PCDHA10: variants seen among roughly 807,000 people sequenced by gnomAD.
The protein encoded by PCDHA10 is protocadherin alpha-10.
PCDHA10 carries 45 observed loss-of-function variants against 61.2 expected under a neutral mutation model. That is an observed-to-expected ratio of 0.74 (90% CI 0.58 to 0.94). The LOEUF (loss-of-function observed/expected upper bound fraction) is 0.94, where lower values mean the gene tolerates loss of function less well. PCDHA10 is among the 40% of genes least tolerant of loss of function. The probability of loss-of-function intolerance (pLI) is 0.00; values close to 1 mark genes in which losing one functional copy is unlikely to be tolerated. For synonymous variants in PCDHA10, 602 were observed against 548.8 expected, an observed-to-expected ratio of 1.10 and a Z score of -1.35; for missense variants, 1,278 against 1,236.2, an observed-to-expected ratio of 1.03 and a Z score of -0.51.
At chr5:140,882,543 G>T (rs1357197569) in intron 1 of PCDHA10, 4 of 1,614,236 alleles carry the variant, frequency 2.5e-6, no homozygotes, top group Non-Finnish European at 3.4e-6. Context: ...CGGATCGACC[G>T]CGAGGAGCTG....
intron 1 of PCDHA10, among the ~76,000 whole-genome samples, chr5:140,933,534 ATAATGT>A (rs1401849089): frequency 6.6e-6 from 1 of 152,102 alleles, no homozygotes; most frequent in Non-Finnish European, 1.5e-5. Context: ...TAAACTCAAA[ATAATGT>A]TAATATAAAA....
intron 3 of PCDHA10, among the ~76,000 whole-genome samples, chr5:140,997,593 G>T (rs2097775607): frequency 6.6e-6 from 1 of 152,072 alleles, no homozygotes. Context: ...ACTGAAACAT[G>T]ATTATGGGGC....
chr5:140,916,188 G>A (rs1288181230), intron 1 of PCDHA10, among the ~76,000 whole-genome samples: 2 of 152,208 alleles, frequency 1.3e-5, no homozygotes, highest in East Asian at 3.9e-4. Context: ...TCAAGGAAGT[G>A]GGCACCCCTC....
chr5:141,004,403 C>T (rs1424370254), intron 3 of PCDHA10, among the ~76,000 whole-genome samples: 1 of 152,166 alleles, frequency 6.6e-6, no homozygotes, highest in Non-Finnish European at 1.5e-5. Flanking sequence ...GGAGGAGGCA[C>T]CTGACTAGAT....
chr5:140,887,349 G>A (rs1311370450), intron 1 of PCDHA10, among the ~76,000 whole-genome samples: 2 of 152,084 alleles, frequency 1.3e-5, no homozygotes, highest in Non-Finnish European at 2.9e-5. Flanking sequence ...ACCTGGCTCG[G>A]CCTCCCAAAG....
At chr5:140,883,940 G>A in intron 1 of PCDHA10, 1 of 1,613,412 alleles carries the variant, frequency 6.2e-7, no homozygotes, top group Non-Finnish European at 8.5e-7. Flanking sequence ...CGTGCTGGAC[G>A]AGAACGACAA....
In PCDHA10 at chr5:141,010,844, A is replaced by T. The variant is rs1286149629; in HGVS notation, c.*907A>T. ...TGTTTGTTGTTTCATAGATTTATTT[A>T]AAAAAAGAGAAAGTCTATAGCTATA... On this transcript the variant is annotated 3_prime_UTR_variant, in exon 4 of 4. Coordinates refer to ENST00000307360, the MANE Select transcript of PCDHA10 (RefSeq NM_018901.4). The T allele has an allele frequency of 1.3e-5, 2 of 153,756 alleles. No homozygotes were observed. The highest frequency in any genetic ancestry group is 2.9e-5 in the Non-Finnish European group (2 of 68,056). 9.5% of individuals were successfully genotyped at this position (153,756 alleles called of 1,614,324 possible).
intron 3 of PCDHA10, among the ~76,000 whole-genome samples, chr5:140,984,430 A>T (rs1236503699): frequency 6.6e-6 from 1 of 152,080 alleles, no homozygotes; most frequent in East Asian, 1.9e-4. Flanking sequence ...AGAGAAGGGG[A>T]TCTCCCTTGT....
chr5:140,877,023 G>A (rs1554169254), intron 1 of PCDHA10: 2 of 1,612,456 alleles, frequency 1.2e-6, no homozygotes, highest in Non-Finnish European at 1.7e-6. Flanking sequence ...GCGGCAAGGT[G>A]TACGCGCTGC....
chr5:140,996,976 G>T (rs573896136), intron 3 of PCDHA10, among the ~76,000 whole-genome samples: 1 of 151,960 alleles, frequency 6.6e-6, no homozygotes, highest in Non-Finnish European at 1.5e-5. Context: ...CTCCCCTTTG[G>T]TGAAGCAACC....
chr5:140,901,588 T>A (rs1245761513), intron 1 of PCDHA10, among the ~76,000 whole-genome samples: 1 of 152,176 alleles, frequency 6.6e-6, no homozygotes, highest in Non-Finnish European at 1.5e-5. Flanking sequence ...TGCCATGATG[T>A]TTTGGTTACT....
chr5:140,966,546 C>T, intron 1 of PCDHA10: 1 of 466,228 alleles, frequency 2.1e-6, no homozygotes, highest in Non-Finnish European at 3.7e-6. Context: ...GACTCGGAGG[C>T]GAGCGGAGGA....
chr5:140,886,841 A>AG (rs1432829346), intron 1 of PCDHA10, among the ~76,000 whole-genome samples: 1 of 151,546 alleles, frequency 6.6e-6, no homozygotes, highest in Non-Finnish European at 1.5e-5. Flanking sequence ...AAAAAAAAAA[A>AG]AAAAAAGAAA....
chr5:140,996,453 C>A (rs1289648745), intron 3 of PCDHA10, among the ~76,000 whole-genome samples: 2 of 152,160 alleles, frequency 1.3e-5, no homozygotes, highest in African/African-American at 4.8e-5. Flanking sequence ...AGTTGTGGTG[C>A]TAAGGGAGGA....
At chr5:140,926,693 C>T (rs576013331) in intron 1 of PCDHA10, 12 of 742,944 alleles carry the variant, frequency 1.6e-5, no homozygotes, top group African/African-American at 9.2e-5. Context: ...CTAGCAAGCC[C>T]GGCTCCCAGC....
chr5:140,967,687 C>T (rs1173018126), intron 1 of PCDHA10: 1 of 1,614,094 alleles, frequency 6.2e-7, no homozygotes, highest in Non-Finnish European at 8.5e-7. Context: ...AGAGGCAGCT[C>T]TTCAGCATAG....
In PCDHA10 at chr5:140,967,246, G is replaced by T. The variant is rs569213693; in HGVS notation, c.2389-11703G>T. On this transcript the variant is annotated intron_variant, in intron 1 of 3. Coordinates refer to ENST00000307360, the MANE Select transcript of PCDHA10 (RefSeq NM_018901.4). ...ACTACCAGCTTCAGGTAAGCGAATCGGTGGCGCCTGGAGCGCGCTTTCACA... is the reference window on the plus strand; with the variant it reads ...ACTACCAGCTTCAGGTAAGCGAATCTGTGGCGCCTGGAGCGCGCTTTCACA... The T allele has an allele frequency of 9.6e-5, 155 of 1,613,594 alleles. 2 individuals carry two copies. In the South Asian group the frequency reaches 1.4e-3, roughly 15 times the overall value.
intron 1 of PCDHA10, among the ~76,000 whole-genome samples, chr5:140,892,990 G>T (rs782084236): frequency 1.3e-5 from 2 of 152,164 alleles, no homozygotes; most frequent in African/African-American, 2.4e-5. Context: ...GTATAAGTGA[G>T]AACATGTATT....
At position 140,872,081 on chromosome 5, in the gene PCDHA10, C is replaced by A. The variant is rs559710022; in HGVS notation, c.2388+13645C>A. ...TCCAGAGTAGCTGGGAATGCAGTGC[C>A]ACTGCACTTAGTCCATTGGCTTTCC... On this transcript the variant is annotated intron_variant, in intron 1 of 3. Transcript: ENST00000307360. Among the ~76,000 whole-genome samples the A allele has an allele frequency of 2.6e-5, 4 of 152,212 alleles. No individual in the cohort carries two copies. In the South Asian group the frequency reaches 8.3e-4, roughly 32 times the overall value.
Sources: gnomAD v4.1 joint callset for allele counts (sites outside exome capture counted in the v4.1 genomes callset) on GRCh38, gnomAD v4.1.1 for gene constraint, MANE v1.5 for transcripts, NCBI Gene and HGNC (gene_info 2026-07-23, HGNC 2026-07-21) for gene names.